Variants in PDK1 observed in about 807,000 individuals in gnomAD.
PDK1 encodes [Pyruvate dehydrogenase (acetyl-transferring)] kinase isozyme 1, mitochondrial.
Under a neutral mutation model 54.2 loss-of-function variants are expected in PDK1, and 39 were observed. The ratio of observed to expected loss-of-function variants is 0.72; its 90% confidence interval spans 0.56 to 0.94. The LOEUF is 0.94. PDK1 is among the 40% of genes least tolerant of loss of function. PDK1 has a pLI of 0.00. For missense variants in PDK1, 552 were observed against 566.0 expected (o/e 0.98, Z 0.25); for synonymous variants, 221 against 207.1 (o/e 1.07, Z -0.58).
At chr2:172,664,311 C>CAAAAAAAAAAAA in the PDK1 span, among the ~76,000 whole-genome samples, 44 of 44,178 alleles carry the variant, frequency 1.0e-3, 11 homozygotes, top group East Asian at 0.024. Context: ...AACTCTGCCT[C>CAAAAAAAAAAAA]AAAAAAAAAA....
the PDK1 span, among the ~76,000 whole-genome samples, chr2:172,684,538 A>G: frequency 6.6e-6 from 1 of 152,210 alleles, no homozygotes; most frequent in Non-Finnish European, 1.5e-5. Flanking sequence ...AAGACCAGTA[A>G]ACCAATCTGG....
At chr2:172,562,127 T>C in intron 2 of PDK1, 93 bp from the exon 3 acceptor site, 1 of 715,724 alleles carries the variant, frequency 1.4e-6, no homozygotes, top group Non-Finnish European at 2.4e-6. Flanking sequence ...TTAAAAATTA[T>C]AAAATGCTAA....
the PDK1 span, among the ~76,000 whole-genome samples, chr2:172,656,304 C>T: frequency 2.0e-5 from 3 of 152,096 alleles, no homozygotes; most frequent in East Asian, 5.8e-4. Flanking sequence ...AGCTGTAAAC[C>T]CTTGTTATCT....
At chr2:172,659,140 T>C in the PDK1 span, among the ~76,000 whole-genome samples, 1 of 152,194 alleles carries the variant, frequency 6.6e-6, no homozygotes, top group Admixed American at 6.5e-5. Flanking sequence ...TACCACTATG[T>C]GACGTCACCC....
chr2:172,574,840 T>G lies in PDK1; in HGVS notation c.945+4016T>G, dbSNP rs947297225. ...TTTTTGTGGATTACTTAGAATTTTC[T>G]ATATAAATGATCATGTCTCTGCAAA... On this transcript the variant is annotated intron_variant, in intron 8 of 10. Transcript: ENST00000282077. Among the ~76,000 whole-genome samples, 15 of 152,354 alleles carry G rather than the reference T, an allele frequency of 9.8e-5. No homozygotes were observed. In the Middle Eastern group the frequency reaches 0.01, roughly 104 times the overall value.
Position 172,558,819 on chromosome 2 carries a change from G to A in PDK1, c.308G>A (p.Arg103Lys). The change falls in exon 2 of 11, where the codon AGG becomes AAG. Residue 103 changes from arginine to lysine, a missense_variant. By Grantham distance (26) the Arg-to-Lys change is conservative. Transcript: ENST00000282077. Reference sequence around the variant, plus strand: ...AGTCTCCTTCCAGATAATCTTCTCAGGACACCATCCGTTCAATTGGTACAA... The same window carrying A: ...AGTCTCCTTCCAGATAATCTTCTCAAGACACCATCCGTTCAATTGGTACAA... ...EISLLPDNLL[R>K]TPSVQLVQSW... 6.2e-7 allele frequency: 1 copy of A among 1,612,360 alleles called. No individual in the cohort carries two copies. Among genetic ancestry groups the A allele is most frequent in the Non-Finnish European group, 8.5e-7 (1 of 1,179,426 alleles).
chr2:172,586,379 A>C lies in PDK1; in HGVS notation c.1047A>C (p.Ala349=), dbSNP rs370545214. 1.0e-4 allele frequency: 160 copies of C among 1,585,208 alleles called. 1 individual carries two copies. The Middle Eastern group carries it at 1.3e-3, about 13-fold the overall frequency. ...GACCTCGTGTTGAGACCTCCCGCGC[A>C]GTGCCTCTGGTATGTTATCAAGAAA... The part of the protein sequence containing the change: ...APRPRVETSR[A]VPLAGFGYGL... Residue 349 remains alanine, a synonymous_variant, in exon 9 of 11, where the codon GCA becomes GCC. Transcript: ENST00000282077.
At chr2:172,582,329 C>T (rs962738583) in intron 8 of PDK1, among the ~76,000 whole-genome samples, 1 of 152,166 alleles carries the variant, frequency 6.6e-6, no homozygotes, top group Non-Finnish European at 1.5e-5. Flanking sequence ...TGGGTGAATA[C>T]AGGGAATGTC....
the PDK1 span, among the ~76,000 whole-genome samples, chr2:172,722,282 G>A: frequency 1.3e-5 from 2 of 152,234 alleles, no homozygotes; most frequent in Admixed American, 1.3e-4. Context: ...TCAACTTTGT[G>A]TTCCAGCTCT....
the PDK1 span, among the ~76,000 whole-genome samples, chr2:172,712,333 G>C: frequency 4.6e-5 from 7 of 152,328 alleles, no homozygotes; most frequent in African/African-American, 1.7e-4. Flanking sequence ...GAACCTCTGT[G>C]GCTGTCGGCA....
chr2:172,718,648 C>A, the PDK1 span, among the ~76,000 whole-genome samples: 12 of 151,928 alleles, frequency 7.9e-5, no homozygotes, highest in African/African-American at 2.9e-4. Context: ...TGGAGTGATT[C>A]CGTTTGGGGT....
the PDK1 span, among the ~76,000 whole-genome samples, chr2:172,704,374 C>CATGTG: frequency 2.6e-5 from 4 of 152,056 alleles, no homozygotes; most frequent in Non-Finnish European, 5.9e-5. Flanking sequence ...AGTTGGGGTC[C>CATGTG]ATGTGTCAGA....
chr2:172,609,538 A>T (rs1691397894), downstream of PDK1, among the ~76,000 whole-genome samples: 1 of 152,246 alleles, frequency 6.6e-6, no homozygotes, highest in South Asian at 2.1e-4. Flanking sequence ...TATCCACTGC[A>T]CTCAATAAAA....
At chr2:172,593,701 T>A (rs1690731895) in intron 10 of PDK1, among the ~76,000 whole-genome samples, 2 of 152,208 alleles carry the variant, frequency 1.3e-5, no homozygotes, top group South Asian at 4.1e-4. Context: ...AAGTGACTCT[T>A]GGTAAGCATA....
chr2:172,626,427 A>G, the PDK1 span, among the ~76,000 whole-genome samples: 23,750 of 152,208 alleles, frequency 0.16, 2,155 homozygotes, highest in African/African-American at 0.24. Context: ...ATGAAATGAA[A>G]TAACTGTTCT....
chr2:172,687,501 T>C, the PDK1 span, among the ~76,000 whole-genome samples: 1 of 152,200 alleles, frequency 6.6e-6, no homozygotes, highest in African/African-American at 2.4e-5. Flanking sequence ...CTATAGCTCC[T>C]GTTTCTGTAA....
intron 9 of PDK1, among the ~76,000 whole-genome samples, chr2:172,587,360 C>G (rs1278192991): frequency 6.6e-6 from 1 of 151,720 alleles, no homozygotes; most frequent in African/African-American, 2.4e-5. Context: ...GGCAGGGCGT[C>G]TGGAGTTGTT....
the PDK1 span, among the ~76,000 whole-genome samples, chr2:172,629,630 CT>C: frequency 8.0e-4 from 122 of 152,296 alleles, no homozygotes; most frequent in African/African-American, 2.7e-3. Context: ...CTGATTCTTC[CT>C]GGACGCCAAA....
At chr2:172,650,916 G>C in the PDK1 span, among the ~76,000 whole-genome samples, 1 of 152,170 alleles carries the variant, frequency 6.6e-6, no homozygotes, top group African/African-American at 2.4e-5. Context: ...ACATTAGACA[G>C]ATCAATGAGA....
Sources: gnomAD v4.1 joint callset for allele counts (sites outside exome capture counted in the v4.1 genomes callset) on GRCh38, gnomAD v4.1.1 for gene constraint, MANE v1.5 for transcripts, NCBI Gene and HGNC (gene_info 2026-07-23, HGNC 2026-07-21) for gene names.